The following DNM3 variants were observed in gnomAD, a reference collection of about 807,000 sequenced individuals.
The protein encoded by DNM3 is dynamin 3.
A neutral mutation model predicts 101.6 loss-of-function variants in DNM3; 47 were observed. That is an observed-to-expected ratio of 0.46 (90% CI 0.37 to 0.59). The LOEUF is 0.59. DNM3 is among the 20% of genes least tolerant of loss of function. The pLI is 0.00. For missense variants in DNM3, 849 were observed against 1,085.7 expected (o/e 0.78, Z 3.06); for synonymous variants, 385 against 387.9 (o/e 0.99, Z 0.09).
chr1:172,417,791 T>C (rs2071482497), intron 20 of DNM3, among the ~76,000 whole-genome samples: 1 of 152,234 alleles, frequency 6.6e-6, no homozygotes, highest in Non-Finnish European at 1.5e-5. Flanking sequence ...CCTTCTAATT[T>C]ACCTCACTTA....
At chr1:172,082,014 G>A in intron 12 of DNM3, 112 bp downstream of exon 12, 1 of 1,135,240 alleles carries the variant, frequency 8.8e-7, no homozygotes, top group Non-Finnish European at 1.3e-6. Context: ...TCTGTGCCAG[G>A]ATTAACTCTC....
chr1:172,104,547 TATA>T (rs2054877752), intron 13 of DNM3, among the ~76,000 whole-genome samples: 3 of 152,128 alleles, frequency 2.0e-5, no homozygotes, highest in Admixed American at 1.3e-4. Context: ...AGAATTTTGA[TATA>T]ATAATTATAT....
chr1:172,072,905 A>G (rs75249179), intron 11 of DNM3, among the ~76,000 whole-genome samples: 10,386 of 152,208 alleles, frequency 0.068, 698 homozygotes, highest in East Asian at 0.17. Flanking sequence ...CAACAAAAAA[A>G]AGAGTTAACT....
chr1:172,019,275 AG>A (rs2047668477), intron 4 of DNM3, among the ~76,000 whole-genome samples: 2 of 151,308 alleles, frequency 1.3e-5, no homozygotes, highest in African/African-American at 4.9e-5. Context: ...ATAATTTTGC[AG>A]GGTACAGAAT....
At chr1:172,092,547 G>C (rs991940322) in intron 12 of DNM3, among the ~76,000 whole-genome samples, 1 of 152,158 alleles carries the variant, frequency 6.6e-6, no homozygotes, top group African/African-American at 2.4e-5. Context: ...GTGAGACACT[G>C]CAAATATGTC....
chr1:172,185,828 T>C (rs1256730207), intron 14 of DNM3, among the ~76,000 whole-genome samples: 2 of 152,160 alleles, frequency 1.3e-5, no homozygotes, highest in Non-Finnish European at 2.9e-5. Flanking sequence ...TATTGATTAG[T>C]TCCACTGTCA....
intron 14 of DNM3, among the ~76,000 whole-genome samples, chr1:172,177,637 T>C (rs1190028666): frequency 6.6e-6 from 1 of 151,746 alleles, no homozygotes; most frequent in Admixed American, 6.6e-5. Context: ...AATTACGGGA[T>C]GAGAGTAAGA....
intron 13 of DNM3, among the ~76,000 whole-genome samples, chr1:172,117,283 A>T (rs972594912): frequency 2.1e-4 from 32 of 149,944 alleles, no homozygotes; most frequent in Non-Finnish European, 2.8e-4. Flanking sequence ...ATTTTTTTTT[A>T]AAATGTGCAT....
intron 18 of DNM3, among the ~76,000 whole-genome samples, chr1:172,381,279 A>T (rs1354031220): frequency 6.6e-6 from 1 of 152,044 alleles, no homozygotes; most frequent in Non-Finnish European, 1.5e-5. Context: ...TTAAGATCTG[A>T]TCACCAAGGT....
rs149888172 is a variant in DNM3 at position 172,364,566 on chromosome 1, T to C, written c.1894-14452T>C. On this transcript the variant is annotated intron_variant, in intron 17 of 20. Coordinates refer to ENST00000627582, the MANE Select transcript of DNM3 (RefSeq NM_015569.5). ...AATAACAAATTGCAAGAGCAAGAAA[T>C]AGAGAGATGGAGAAGTCTGAAGATT... 9.4e-3 allele frequency among the ~76,000 whole-genome samples: 1,429 copies of C among 151,846 alleles called. 17 individuals carry two copies. The highest frequency in any genetic ancestry group is 0.032 in the African/African-American group (1,326 of 41,460).
chr1:171,841,639 G>C lies in DNM3; in HGVS notation c.-18G>C, dbSNP rs371816248. ...AGAGGCGAGCAGGGACCAGCTGGTC[G>C]CCGGCCCCTCGGGCAAGATGGGGAA... On this transcript the variant is annotated 5_prime_UTR_variant, in exon 1 of 21. Transcript: ENST00000627582. 9.5e-5 allele frequency: 153 copies of C among 1,602,896 alleles called. No homozygotes were observed. Among genetic ancestry groups the C allele is most frequent in the Non-Finnish European group, 1.3e-4 (148 of 1,175,776 alleles).
chr1:171,856,137 T>C (rs1407464993), intron 1 of DNM3, among the ~76,000 whole-genome samples: 1 of 152,206 alleles, frequency 6.6e-6, no homozygotes, highest in Non-Finnish European at 1.5e-5. Context: ...CTTTCCCCAT[T>C]GCTTGTTTTT....
intron 14 of DNM3, among the ~76,000 whole-genome samples, chr1:172,169,573 T>C (rs564789379): frequency 6.6e-5 from 10 of 151,908 alleles, no homozygotes; most frequent in Non-Finnish European, 1.0e-4. Context: ...CTTAAAAATA[T>C]TGTAGTTAAT....
At chr1:172,070,291 C>G (rs1157010971) in intron 11 of DNM3, among the ~76,000 whole-genome samples, 1 of 152,118 alleles carries the variant, frequency 6.6e-6, no homozygotes, top group Non-Finnish European at 1.5e-5. Flanking sequence ...GATATGGAGC[C>G]CTAGGGCCAG....
intron 4 of DNM3, among the ~76,000 whole-genome samples, chr1:171,993,212 T>A (rs185738210): frequency 1.3e-5 from 2 of 152,274 alleles, no homozygotes; most frequent in Non-Finnish European, 2.9e-5. Context: ...TCCTGGGTAT[T>A]TGAGTTACTG....
intron 14 of DNM3, among the ~76,000 whole-genome samples, chr1:172,150,205 A>G (rs1453126359): frequency 1.3e-5 from 2 of 152,144 alleles, no homozygotes; most frequent in Non-Finnish European, 2.9e-5. Context: ...AGGACATATG[A>G]GACCATATTA....
intron 17 of DNM3, among the ~76,000 whole-genome samples, chr1:172,332,024 GA>G (rs758577712): frequency 9.9e-5 from 15 of 151,834 alleles, no homozygotes; most frequent in Admixed American, 2.0e-4. Flanking sequence ...AAAAATGAGA[GA>G]AAGGGCAAAA....
At chr1:172,294,186 T>A (rs1360689153) in intron 15 of DNM3, among the ~76,000 whole-genome samples, 1 of 152,202 alleles carries the variant, frequency 6.6e-6, no homozygotes, top group Non-Finnish European at 1.5e-5. Flanking sequence ...CTTTTGAAAA[T>A]TTCCAACAAT....
chr1:172,236,810 G>C (rs911510441), intron 14 of DNM3, among the ~76,000 whole-genome samples: 2 of 152,080 alleles, frequency 1.3e-5, no homozygotes, highest in African/African-American at 4.8e-5. Flanking sequence ...AAGAGGTCTG[G>C]TGTGAAAATT....
Sources: gnomAD v4.1 joint callset for allele counts (sites outside exome capture counted in the v4.1 genomes callset) on GRCh38, gnomAD v4.1.1 for gene constraint, MANE v1.5 for transcripts, NCBI Gene and HGNC (gene_info 2026-07-23, HGNC 2026-07-21) for gene names.